The following FBXO34 variants were observed in gnomAD, a reference collection of about 807,000 sequenced individuals.
FBXO34 encodes the protein F-box protein 34.
In FBXO34, 12 loss-of-function variants were observed where a neutral mutation model predicts 24.5. The observed-to-expected ratio is 0.49, with a 90% CI of 0.31 to 0.79. FBXO34 has a LOEUF of 0.79. FBXO34 is among the 30% of genes least tolerant of loss of function. FBXO34 has a pLI of 0.04. For synonymous variants in FBXO34, 320 were observed against 311.9 expected (o/e 1.03, Z -0.27); for missense variants, 823 against 857.7 (o/e 0.96, Z 0.51).
the FBXO34 span, among the ~76,000 whole-genome samples, chr14:55,403,773 C>T: frequency 6.6e-6 from 1 of 152,122 alleles, no homozygotes; most frequent in Non-Finnish European, 1.5e-5. Flanking sequence ...GACTGTGCAT[C>T]ATCTATAATA....
At chr14:55,371,445 C>G (rs1939659218), downstream of FBXO34, among the ~76,000 whole-genome samples, 1 of 152,140 alleles carries the variant, frequency 6.6e-6, no homozygotes, top group Non-Finnish European at 1.5e-5. Flanking sequence ...GTTTTTAGGG[C>G]TTTATTAAAT....
intron 1 of FBXO34, among the ~76,000 whole-genome samples, chr14:55,272,513 T>G (rs1358111281): frequency 6.8e-6 from 1 of 148,148 alleles, no homozygotes. Flanking sequence ...CTAGTGTTGA[T>G]AAATCAGTTT....
At chr14:55,423,338 T>C in the FBXO34 span, among the ~76,000 whole-genome samples, 5 of 152,352 alleles carry the variant, frequency 3.3e-5, no homozygotes, top group African/African-American at 7.2e-5. Context: ...TTTAAAACAA[T>C]TGGGCGATTT....
the FBXO34 span, among the ~76,000 whole-genome samples, chr14:55,441,013 A>G: frequency 1.3e-5 from 2 of 151,812 alleles, no homozygotes; most frequent in African/African-American, 4.8e-5. Flanking sequence ...TGACCTGCTA[A>G]TTTTTGTATT....
At chr14:55,406,137 T>C in the FBXO34 span, among the ~76,000 whole-genome samples, 2 of 152,356 alleles carry the variant, frequency 1.3e-5, no homozygotes, top group African/African-American at 4.8e-5. Context: ...AACTAATTAA[T>C]GTGAGATCAA....
At chr14:55,391,580 G>A in the FBXO34 span, among the ~76,000 whole-genome samples, 1 of 151,844 alleles carries the variant, frequency 6.6e-6, no homozygotes, top group East Asian at 1.9e-4. Context: ...CTCTAAACCC[G>A]CTCTAGCTAT....
At chr14:55,395,961 T>A in the FBXO34 span, 1 of 1,596,332 alleles carries the variant, frequency 6.3e-7, no homozygotes, top group Non-Finnish European at 8.5e-7. Flanking sequence ...TTATCCATTT[T>A]CCTTCCATAG....
the FBXO34 span, chr14:55,440,519 C>T: frequency 2.5e-6 from 4 of 1,609,740 alleles, no homozygotes; most frequent in African/African-American, 2.7e-5. Context: ...GCCTCGGAAC[C>T]CGCTCCGGCC....
At chr14:55,323,208 A>AT (rs1883212606) in intron 1 of FBXO34, among the ~76,000 whole-genome samples, 1 of 25,656 alleles carries the variant, frequency 3.9e-5, no homozygotes, top group Non-Finnish European at 5.9e-5. Flanking sequence ...AAAAAAAAAA[A>AT]AAAAAAAAAA....
the FBXO34 span, chr14:55,411,630 C>T: frequency 6.2e-7 from 1 of 1,612,438 alleles, no homozygotes; most frequent in Non-Finnish European, 8.5e-7. Flanking sequence ...TCGAAGTAGA[C>T]GAAATCGCCG....
chr14:55,413,750 A>T, the FBXO34 span: 1 of 312,736 alleles, frequency 3.2e-6, no homozygotes, highest in Admixed American at 4.0e-5. Flanking sequence ...AGGCCCAGGC[A>T]GATGGATCAA....
the FBXO34 span, among the ~76,000 whole-genome samples, chr14:55,426,192 TG>T: frequency 6.6e-6 from 1 of 150,880 alleles, no homozygotes; most frequent in South Asian, 2.1e-4. Context: ...ACTTGAACCC[TG>T]GGGGGTGGAG....
chr14:55,434,560 C>G, the FBXO34 span, among the ~76,000 whole-genome samples: 17 of 152,280 alleles, frequency 1.1e-4, no homozygotes, highest in Admixed American at 7.2e-4. Flanking sequence ...CCACCCCTAC[C>G]CCTCGTCCAA....
downstream of FBXO34, among the ~76,000 whole-genome samples, chr14:55,354,112 A>G (rs766333348): frequency 7.2e-5 from 11 of 152,204 alleles, no homozygotes; most frequent in Non-Finnish European, 1.6e-4. Flanking sequence ...GCTTGGTGAC[A>G]TGGTAGGCTG....
chr14:55,300,443 A>G (rs1199154315), intron 1 of FBXO34, among the ~76,000 whole-genome samples: 2 of 152,150 alleles, frequency 1.3e-5, no homozygotes, highest in Non-Finnish European at 2.9e-5. Context: ...AAAAATACAA[A>G]AATTAGCCAG....
intron 1 of FBXO34, among the ~76,000 whole-genome samples, chr14:55,284,090 C>CT (rs1256644287): frequency 6.6e-6 from 1 of 152,068 alleles, no homozygotes; most frequent in African/African-American, 2.4e-5. Flanking sequence ...CCTCAGACTC[C>CT]TGAGCTCAAG....
downstream of FBXO34, among the ~76,000 whole-genome samples, chr14:55,371,952 TG>T (rs1180827749): frequency 6.6e-6 from 1 of 152,230 alleles, no homozygotes; most frequent in African/African-American, 2.4e-5. Context: ...AGCAAACTAA[TG>T]GCCACTGCAG....
chr14:55,337,863 C>T (rs956062523), intron 1 of FBXO34, among the ~76,000 whole-genome samples: 1 of 152,032 alleles, frequency 6.6e-6, no homozygotes, highest in Non-Finnish European at 1.5e-5. Flanking sequence ...GAGGAGTACC[C>T]TGCCATGGGC....
chr14:55,352,706 T>G lies in FBXO34; in HGVS notation c.*180T>G, dbSNP rs1362109070. The G allele has an allele frequency of 5.0e-6, 3 of 598,868 alleles. No individual in the cohort carries two copies. In the East Asian group the frequency reaches 9.0e-5, roughly 18 times the overall value. 37.1% of individuals were successfully genotyped at this position (598,868 alleles called of 1,614,324 possible). A position where few individuals can be genotyped will look rare whatever the true frequency, so the allele number is the denominator to read the frequency against. On this transcript the variant is annotated 3_prime_UTR_variant, in exon 2 of 2. Coordinates refer to ENST00000313833, the MANE Select transcript of FBXO34 (RefSeq NM_017943.4). ...TACGAGCTGTACAAAAAAATTGGTC[T>G]TGTTGTTTATAGTGGCATCTCATGT... is the stretch of plus-strand genomic sequence containing the variant.
Sources: gnomAD v4.1 joint callset for allele counts (sites outside exome capture counted in the v4.1 genomes callset) on GRCh38, gnomAD v4.1.1 for gene constraint, MANE v1.5 for transcripts, NCBI Gene and HGNC (gene_info 2026-07-23, HGNC 2026-07-21) for gene names.